Variants in MSI2 observed in about 807,000 individuals in gnomAD.
The protein encoded by MSI2 is musashi RNA binding protein 2, also known as RNA-binding protein Musashi homolog 2.
MSI2 carries 17 observed loss-of-function variants against 45.6 expected under a neutral mutation model. The ratio of observed to expected loss-of-function variants is 0.37; its 90% CI spans 0.26 to 0.56. MSI2 has a LOEUF of 0.56. Among genes scored for constraint, MSI2 ranks in the 20% least tolerant of loss-of-function variants. The pLI is 0.77. For synonymous variants in MSI2, 156 were observed against 158.2 expected (o/e 0.99, Z 0.11); for missense variants, 293 against 444.2 (o/e 0.66, Z 3.06).
chr17:57,488,141 G>C (rs2085791372), intron 6 of MSI2, among the ~76,000 whole-genome samples: 4 of 152,156 alleles, frequency 2.6e-5, no homozygotes, highest in African/African-American at 7.2e-5. Context: ...GCTGGTCCCA[G>C]AGTTGGCCTC....
At chr17:57,563,707 G>GTCTCTC (rs577585040) in intron 7 of MSI2, among the ~76,000 whole-genome samples, 5 of 145,424 alleles carry the variant, frequency 3.4e-5, no homozygotes, top group Non-Finnish European at 7.6e-5. Flanking sequence ...CTGTCTGTCT[G>GTCTCTC]TCTCTCTCTC....
In MSI2 at chr17:57,461,842, G is replaced by C. The variant is rs547977618; in HGVS notation, c.405+60371G>C. 2.0e-3 allele frequency among the ~76,000 whole-genome samples: 303 copies of C among 152,260 alleles called. 2 individuals carry two copies. The highest frequency in any genetic ancestry group is 7.0e-3 in the African/African-American group (291 of 41,554). On this transcript the variant is annotated intron_variant, in intron 6 of 13. Coordinates refer to ENST00000284073, the MANE Select transcript of MSI2 (RefSeq NM_138962.4). ...GCTAGAACCCTTGGGTTTTGAGAAGGAGATGGCAGCTCTGCATAAACTTTC... is the reference window on the plus strand; with the variant it reads ...GCTAGAACCCTTGGGTTTTGAGAAGCAGATGGCAGCTCTGCATAAACTTTC...
chr17:57,290,398 C>T (rs971955974), intron 5 of MSI2, among the ~76,000 whole-genome samples: 6 of 152,220 alleles, frequency 3.9e-5, no homozygotes, highest in Non-Finnish European at 7.3e-5. Flanking sequence ...TACCCTCCAA[C>T]TGTTGGACTC....
chr17:57,317,209 C>G (rs144899123), intron 5 of MSI2, among the ~76,000 whole-genome samples: 1 of 152,150 alleles, frequency 6.6e-6, no homozygotes, highest in Non-Finnish European at 1.5e-5. Flanking sequence ...CGATTAGCCA[C>G]GCCTGCCATG....
At chr17:57,323,619 C>A (rs1370174334) in intron 5 of MSI2, among the ~76,000 whole-genome samples, 1 of 152,244 alleles carries the variant, frequency 6.6e-6, no homozygotes, top group Non-Finnish European at 1.5e-5. Context: ...TGCTGCGCTG[C>A]CAAGCTCCGT....
intron 5 of MSI2, among the ~76,000 whole-genome samples, chr17:57,308,197 G>A (rs1036241776): frequency 1.3e-5 from 2 of 152,170 alleles, no homozygotes; most frequent in African/African-American, 4.8e-5. Flanking sequence ...ATGAGACGAC[G>A]TGCCTGGCAT....
At chr17:57,262,509 A>C (rs1907411137) in intron 5 of MSI2, 1 of 280,490 alleles carries the variant, frequency 3.6e-6, no homozygotes, top group African/African-American at 2.2e-5. Flanking sequence ...ATATCAGGAA[A>C]AGTCGAACAT....
At chr17:57,308,115 G>C (rs542948619) in intron 5 of MSI2, among the ~76,000 whole-genome samples, 12 of 152,284 alleles carry the variant, frequency 7.9e-5, no homozygotes, top group African/African-American at 2.9e-4. Context: ...TTGATTAGCT[G>C]TTGGATCACA....
At chr17:57,609,052 G>A (rs1406237161) in intron 8 of MSI2, among the ~76,000 whole-genome samples, 1 of 152,174 alleles carries the variant, frequency 6.6e-6, no homozygotes, top group Non-Finnish European at 1.5e-5. Context: ...GTAGCAAGAT[G>A]TGTGTAGCTG....
In MSI2 at chr17:57,437,905, CT is replaced by C. The variant is rs1453595650; in HGVS notation, c.405+36435del. ...AACAATGGTCTCACCTTCATGGGGCCTAATGTGGTGTGACTGACCAACATTA... is the reference window on the plus strand; with the variant it reads ...AACAATGGTCTCACCTTCATGGGGCCAATGTGGTGTGACTGACCAACATTA... On this transcript the variant is annotated intron_variant, in intron 6 of 13. Transcript: ENST00000284073. Among the ~76,000 whole-genome samples, 6 of 152,204 alleles carry C rather than the reference CT, an allele frequency of 3.9e-5. No homozygotes were observed. The South Asian group carries it at 6.2e-4, about 16-fold the overall frequency.
Position 57,407,838 on chromosome 17 carries a change from C to T in MSI2, c.405+6367C>T, listed in dbSNP as rs1277040269. Reference sequence around the variant, plus strand: ...AACACTGTCCCCATGTTTTATTAATCTTCTGCCTGGTTTGTGTCAGCATCT... The same window carrying T: ...AACACTGTCCCCATGTTTTATTAATTTTCTGCCTGGTTTGTGTCAGCATCT... On this transcript the variant is annotated intron_variant, in intron 6 of 13. Coordinates refer to ENST00000284073, the MANE Select transcript of MSI2 (RefSeq NM_138962.4). This position sits in a 1 kb window ranked among gnomAD's most constrained non-coding sequence, Gnocchi z 4.1. Among the ~76,000 whole-genome samples, 2 of 152,212 alleles carry T rather than the reference C, an allele frequency of 1.3e-5. No individual in the cohort carries two copies. The highest frequency in any genetic ancestry group is 4.8e-5 in the African/African-American group (2 of 41,456).
At chr17:57,546,362 A>G (rs946145248) in intron 7 of MSI2, among the ~76,000 whole-genome samples, 2 of 152,356 alleles carry the variant, frequency 1.3e-5, no homozygotes, top group African/African-American at 4.8e-5. Flanking sequence ...TGATAAGTGC[A>G]GCCGAAGATT....
intron 10 of MSI2, among the ~76,000 whole-genome samples, chr17:57,634,256 A>C (rs1273821779): frequency 6.6e-6 from 1 of 152,228 alleles, no homozygotes; most frequent in Non-Finnish European, 1.5e-5. Context: ...GCCTGAGGTC[A>C]GGAGTTCAAG....
At chr17:57,597,329 C>T (rs1905339641) in intron 8 of MSI2, among the ~76,000 whole-genome samples, 1 of 151,842 alleles carries the variant, frequency 6.6e-6, no homozygotes, top group Non-Finnish European at 1.5e-5. Context: ...ATTTTTTAAC[C>T]ACTTAAAATG....
intron 5 of MSI2, among the ~76,000 whole-genome samples, chr17:57,315,106 G>C (rs982781966): frequency 1.3e-5 from 2 of 152,168 alleles, no homozygotes; most frequent in African/African-American, 4.8e-5. Flanking sequence ...TGCTGTTTGG[G>C]CAGTGGGGAG....
At chr17:57,625,003 C>T (rs150092494) in intron 9 of MSI2, among the ~76,000 whole-genome samples, 2,355 of 152,214 alleles carry the variant, frequency 0.015, 27 homozygotes, top group Middle Eastern at 0.027. Flanking sequence ...GGTGAGGGCC[C>T]GCTTCCTCAT....
At chr17:57,286,774 C>T (rs1321479651) in intron 5 of MSI2, among the ~76,000 whole-genome samples, 2 of 152,124 alleles carry the variant, frequency 1.3e-5, no homozygotes. Flanking sequence ...AACCCACACC[C>T]CCTCCCCCGC....
chr17:57,628,213 G>A (rs893115498), intron 10 of MSI2: 133 of 152,480 alleles, frequency 8.7e-4, no homozygotes, highest in African/African-American at 3.2e-3. Flanking sequence ...TGGGGAGCTG[G>A]GCTGCAGGCG....
At chr17:57,455,857 C>CA (rs1220160869) in intron 6 of MSI2, among the ~76,000 whole-genome samples, 1 of 152,240 alleles carries the variant, frequency 6.6e-6, no homozygotes, top group Non-Finnish European at 1.5e-5. Context: ...CGCACACAGG[C>CA]ACAGGCACAC....
Sources: allele counts gnomAD v4.1 joint callset (sites outside exome capture counted in the v4.1 genomes callset), GRCh38; gene constraint gnomAD v4.1.1; non-coding constraint Gnocchi (gnomAD v3.1); transcripts MANE v1.5; gene names NCBI Gene and HGNC (gene_info 2026-07-23, HGNC 2026-07-21).